Variants in UQCC1 observed in about 807,000 individuals in gnomAD.
UQCC1 encodes bFGF-repressed Zic-binding protein.
In UQCC1, 38 loss-of-function variants were observed where a neutral mutation model predicts 48.0. That is an observed-to-expected ratio of 0.79 (90% CI 0.61 to 1.04). The LOEUF is 1.04. Among genes scored for constraint, UQCC1 ranks in the 50% least tolerant of loss-of-function variants. The pLI, the probability that UQCC1 is intolerant of heterozygous loss-of-function variation, is 0.00. For synonymous variants in UQCC1, 111 were observed against 129.2 expected, an observed-to-expected ratio of 0.86 and a Z score of 0.95; for missense variants, 368 against 381.8, an observed-to-expected ratio of 0.96 and a Z score of 0.30.
At chr20:35,333,704 G>C (rs1364484567) in intron 7 of UQCC1, among the ~76,000 whole-genome samples, 1 of 152,162 alleles carries the variant, frequency 6.6e-6, no homozygotes, top group African/African-American at 2.4e-5. Flanking sequence ...GTACAGAGAA[G>C]TACTTCAAGA....
At chr20:35,404,366 T>G (rs2062216778) in intron 1 of UQCC1, among the ~76,000 whole-genome samples, 1 of 74,492 alleles carries the variant, frequency 1.3e-5, no homozygotes, top group South Asian at 5.3e-4. Flanking sequence ...CGAGACTCCG[T>G]CTCAAAAAAA....
intron 7 of UQCC1, among the ~76,000 whole-genome samples, chr20:35,334,130 A>T (rs1317879060): frequency 6.6e-6 from 1 of 152,218 alleles, no homozygotes; most frequent in African/African-American, 2.4e-5. Context: ...TCAAGAGCCC[A>T]ACCTGAGCTG....
At chr20:35,353,245 A>C (rs140069994) in intron 6 of UQCC1, among the ~76,000 whole-genome samples, 1,610 of 151,860 alleles carry the variant, frequency 0.011, 29 homozygotes, top group African/African-American at 0.037. Flanking sequence ...AAAAATACAA[A>C]AATTAACCAG....
At chr20:35,343,942 G>C (rs2061407201) in intron 7 of UQCC1, among the ~76,000 whole-genome samples, 2 of 152,070 alleles carry the variant, frequency 1.3e-5, no homozygotes, top group Admixed American at 6.5e-5. Flanking sequence ...TTATGGGGCA[G>C]CACCCTATCT....
chr20:35,310,441 G>A (rs376719580), intron 8 of UQCC1, among the ~76,000 whole-genome samples: 12 of 151,784 alleles, frequency 7.9e-5, no homozygotes, highest in Admixed American at 4.6e-4. Context: ...TCAAGAGATC[G>A]AGACCATCCT....
At chr20:35,403,804 C>T (rs1329915042) in intron 1 of UQCC1, among the ~76,000 whole-genome samples, 1 of 152,144 alleles carries the variant, frequency 6.6e-6, no homozygotes, top group East Asian at 1.9e-4. Context: ...AGCAAACTAT[C>T]ACAAGGACAG....
At position 35,367,580 on chromosome 20, in the gene UQCC1, G is replaced by A. The variant is rs564988625; in HGVS notation, c.407-966C>T. On this transcript the variant is annotated intron_variant, in intron 5 of 9. Transcript: ENST00000374385. Reference sequence around the variant, plus strand: ...TTGAGACCAGCCTGGGAAACATAGTGAGACCCCATCTCTACAAAAAACTAC... The same window carrying A: ...TTGAGACCAGCCTGGGAAACATAGTAAGACCCCATCTCTACAAAAAACTAC... Among the ~76,000 whole-genome samples, 6 of 152,066 alleles carry A rather than the reference G, an allele frequency of 3.9e-5. No homozygotes were observed. The South Asian group carries it at 1.2e-3, about 32-fold the overall frequency.
At chr20:35,359,208 AT>A (rs2061579282) in intron 6 of UQCC1, among the ~76,000 whole-genome samples, 1 of 152,188 alleles carries the variant, frequency 6.6e-6, no homozygotes, top group Non-Finnish European at 1.5e-5. Flanking sequence ...TGTAAGATGC[AT>A]TTACATTCAT....
chr20:35,341,140 G>A (rs977864814), intron 7 of UQCC1, among the ~76,000 whole-genome samples: 5 of 149,910 alleles, frequency 3.3e-5, no homozygotes, highest in African/African-American at 1.2e-4. Flanking sequence ...AGAATCGCTG[G>A]AACCCAGGAG....
In UQCC1 at chr20:35,303,082, A is replaced by G. The variant is rs935917265; in HGVS notation, c.*853T>C. The G allele has an allele frequency of 6.6e-6, 1 of 152,246 alleles. No homozygotes were observed. The highest frequency in any genetic ancestry group is 1.9e-4 in the East Asian group (1 of 5,198). 9.4% of individuals were successfully genotyped at this position (152,246 alleles called of 1,614,324 possible). A position where few individuals can be genotyped will look rare whatever the true frequency, so the allele number is the denominator to read the frequency against. On this transcript the variant is annotated 3_prime_UTR_variant, in exon 10 of 10. Transcript: ENST00000374385. The stretch of plus-strand genomic sequence containing the variant: ...TGGGCACAGGTCTGGGTCTGCTACA[A>G]CTAAGCCAGGAGGAATGTTCTCTTC...
At chr20:35,407,259 C>G (rs972412878) in intron 1 of UQCC1, among the ~76,000 whole-genome samples, 1 of 151,930 alleles carries the variant, frequency 6.6e-6, no homozygotes, top group Admixed American at 6.6e-5. Flanking sequence ...AAAACCCCCT[C>G]TCTATTAAAA....
chr20:35,365,655 TAA>T (rs34840052), intron 6 of UQCC1, among the ~76,000 whole-genome samples: 31 of 119,026 alleles, frequency 2.6e-4, no homozygotes, highest in African/African-American at 2.0e-4. Flanking sequence ...AGACTATGTC[TAA>T]AAAAAAAAAA....
intron 9 of UQCC1, among the ~76,000 whole-genome samples, chr20:35,306,144 T>G (rs765599812): frequency 6.6e-6 from 1 of 152,096 alleles, no homozygotes; most frequent in Non-Finnish European, 1.5e-5. Context: ...CGGGGAGCCC[T>G]GGGGAGCCAG....
At chr20:35,334,539 A>G (rs989211007) in intron 7 of UQCC1, among the ~76,000 whole-genome samples, 1 of 152,198 alleles carries the variant, frequency 6.6e-6, no homozygotes, top group Non-Finnish European at 1.5e-5. Flanking sequence ...AATGTCATCT[A>G]TTCCCAGCCT....
intron 8 of UQCC1, 92 bp from the exon 9 acceptor site, chr20:35,306,871 G>A: frequency 9.7e-7 from 1 of 1,033,470 alleles, no homozygotes. Context: ...AGCAACCATG[G>A]AATCAGCTCA....
At chr20:35,402,094 C>T (rs2062173600) in intron 1 of UQCC1, among the ~76,000 whole-genome samples, 1 of 152,120 alleles carries the variant, frequency 6.6e-6, no homozygotes, top group African/African-American at 2.4e-5. Flanking sequence ...TGCTATAATA[C>T]AAAAGGATAT....
chr20:35,394,276 T>A, intron 1 of UQCC1, 80 bp from the exon 2 acceptor site: 2 of 1,196,382 alleles, frequency 1.7e-6, no homozygotes, highest in Non-Finnish European at 2.4e-6. Context: ...CCTGTGATAC[T>A]GTAATATAAT....
intron 7 of UQCC1, among the ~76,000 whole-genome samples, chr20:35,325,213 A>G (rs1423197007): frequency 6.6e-6 from 1 of 152,242 alleles, no homozygotes; most frequent in African/African-American, 2.4e-5. Context: ...ATTATTATTT[A>G]ATGGGCACAG....
chr20:35,329,433 C>T (rs2146343415), intron 7 of UQCC1, among the ~76,000 whole-genome samples: 1 of 152,322 alleles, frequency 6.6e-6, no homozygotes, highest in East Asian at 1.9e-4. Flanking sequence ...GCAAGGATCA[C>T]TGACATTCAG....
Sources: allele counts gnomAD v4.1 joint callset (sites outside exome capture counted in the v4.1 genomes callset), GRCh38; gene constraint gnomAD v4.1.1; transcripts MANE v1.5; gene names NCBI Gene and HGNC (gene_info 2026-07-23, HGNC 2026-07-21).